Variants in TMEM117 observed in about 807,000 individuals in gnomAD.
The protein encoded by TMEM117 is transmembrane protein 117.
TMEM117 carries 27 observed loss-of-function variants against 52.4 expected under a neutral mutation model. The ratio of observed to expected loss-of-function variants is 0.51; its 90% confidence interval spans 0.38 to 0.71. The LOEUF (loss-of-function observed/expected upper bound fraction) is 0.71, where lower values mean the gene tolerates loss of function less well. Among genes scored for constraint, TMEM117 ranks in the 30% least tolerant of loss-of-function variants. The pLI, the probability that TMEM117 is intolerant of heterozygous loss-of-function variation, is 0.00. For missense variants in TMEM117, 556 were observed against 630.5 expected, an observed-to-expected ratio of 0.88 and a Z score of 1.26; for synonymous variants, 215 against 206.3, an observed-to-expected ratio of 1.04 and a Z score of -0.36.
intron 6 of TMEM117, among the ~76,000 whole-genome samples, chr12:44,312,252 C>G (rs1046730841): frequency 6.6e-6 from 1 of 151,708 alleles, no homozygotes; most frequent in African/African-American, 2.4e-5. Flanking sequence ...GTTTTTCAGC[C>G]CTTGTCCCTT....
At chr12:44,187,349 T>C (rs1255355569) in intron 4 of TMEM117, among the ~76,000 whole-genome samples, 1 of 152,120 alleles carries the variant, frequency 6.6e-6, no homozygotes, top group African/African-American at 2.4e-5. Context: ...AATATACTAT[T>C]TTATATTATT....
chr12:44,115,305 T>A (rs1355906243), intron 3 of TMEM117, among the ~76,000 whole-genome samples: 1 of 152,096 alleles, frequency 6.6e-6, no homozygotes, highest in Non-Finnish European at 1.5e-5. Flanking sequence ...CTGGGGCCTG[T>A]TGTCGGGTGG....
At chr12:44,186,167 G>A (rs758159816) in intron 4 of TMEM117, among the ~76,000 whole-genome samples, 1 of 152,186 alleles carries the variant, frequency 6.6e-6, no homozygotes, top group Non-Finnish European at 1.5e-5. Context: ...GCCATTGGGA[G>A]TCCTGATAAT....
chr12:44,280,153 G>T (rs936057913), intron 5 of TMEM117, among the ~76,000 whole-genome samples: 3 of 151,998 alleles, frequency 2.0e-5, no homozygotes, highest in African/African-American at 2.4e-5. Flanking sequence ...TCATTTGAAA[G>T]ATTCAAAATT....
At chr12:43,886,309 A>T (rs896537917) in intron 2 of TMEM117, among the ~76,000 whole-genome samples, 3 of 152,208 alleles carry the variant, frequency 2.0e-5, no homozygotes, top group Non-Finnish European at 4.4e-5. Flanking sequence ...GAAATATCTA[A>T]GAGAGTATGG....
intron 2 of TMEM117, among the ~76,000 whole-genome samples, chr12:43,911,711 G>C (rs1242156886): frequency 3.5e-5 from 5 of 143,210 alleles, no homozygotes; most frequent in Non-Finnish European, 3.1e-5. Flanking sequence ...CTTCTCAAAA[G>C]AAGACATTTA....
chr12:43,928,078 A>G (rs951048149), intron 2 of TMEM117, among the ~76,000 whole-genome samples: 4 of 151,718 alleles, frequency 2.6e-5, no homozygotes, highest in African/African-American at 9.7e-5. Flanking sequence ...TTAAATATCT[A>G]CTATTTTAGT....
intron 3 of TMEM117, among the ~76,000 whole-genome samples, chr12:43,956,931 A>G (rs1354892201): frequency 6.6e-6 from 1 of 152,242 alleles, no homozygotes. Context: ...AGAATGGATA[A>G]AGAAAATGTG....
At chr12:44,173,096 G>A (rs1268962824) in intron 4 of TMEM117, among the ~76,000 whole-genome samples, 1 of 151,862 alleles carries the variant, frequency 6.6e-6, no homozygotes, top group Non-Finnish European at 1.5e-5. Flanking sequence ...TTGTTTTTGG[G>A]ATGAGGTCTT....
chr12:44,202,534 G>C (rs529097058), intron 4 of TMEM117, among the ~76,000 whole-genome samples: 1 of 152,112 alleles, frequency 6.6e-6, no homozygotes, highest in East Asian at 1.9e-4. Flanking sequence ...TATTCTGCTG[G>C]ATTTGTTTGC....
intron 2 of TMEM117, among the ~76,000 whole-genome samples, chr12:43,920,737 AC>A (rs753120480): frequency 9.2e-5 from 14 of 152,156 alleles, no homozygotes; most frequent in Middle Eastern, 3.4e-3. Context: ...TTTTTACTGT[AC>A]TATTTCAGTA....
intron 6 of TMEM117, among the ~76,000 whole-genome samples, chr12:44,315,722 T>C (rs901407666): frequency 6.6e-6 from 1 of 152,182 alleles, no homozygotes; most frequent in Non-Finnish European, 1.5e-5. Context: ...ATTTGTATTA[T>C]TAATGTGGGT....
intron 4 of TMEM117, among the ~76,000 whole-genome samples, chr12:44,145,259 GGATGTTTA>G (rs1359543262): frequency 6.6e-6 from 1 of 152,032 alleles, no homozygotes; most frequent in Non-Finnish European, 1.5e-5. Context: ...AAATTTGAGG[GGATGTTTA>G]AAAAAATTTT....
At chr12:44,239,899 G>C (rs1022935582) in intron 5 of TMEM117, among the ~76,000 whole-genome samples, 2 of 151,752 alleles carry the variant, frequency 1.3e-5, no homozygotes, top group African/African-American at 4.8e-5. Context: ...AATTTCAGTT[G>C]TAAAGATCAT....
At position 43,904,660 on chromosome 12, in the gene TMEM117, C is replaced by T. The variant is rs367959709; in HGVS notation, c.278-39550C>T. 1.4e-4 allele frequency among the ~76,000 whole-genome samples: 21 copies of T among 152,208 alleles called. No individual in the cohort carries two copies. In the East Asian group the frequency reaches 2.9e-3, roughly 21 times the overall value. ...TGATCTGTTGATCATTTATCACTCCCGGGTTGGTGCCTGGCTTCCATTTCC... is the reference window on the plus strand; with the variant it reads ...TGATCTGTTGATCATTTATCACTCCTGGGTTGGTGCCTGGCTTCCATTTCC... On this transcript the variant is annotated intron_variant, in intron 2 of 7. Coordinates refer to ENST00000266534, the MANE Select transcript of TMEM117 (RefSeq NM_032256.3).
At chr12:44,384,134 A>G (rs1291227676) in intron 7 of TMEM117, among the ~76,000 whole-genome samples, 1 of 152,158 alleles carries the variant, frequency 6.6e-6, no homozygotes, top group African/African-American at 2.4e-5. Flanking sequence ...AGGAGAAAGC[A>G]TTACCAAGGT....
intron 3 of TMEM117, among the ~76,000 whole-genome samples, chr12:43,983,565 TG>T: frequency 6.8e-6 from 1 of 147,252 alleles, no homozygotes; most frequent in Non-Finnish European, 1.5e-5. Flanking sequence ...TGTGTGTGTG[TG>T]TGTGTGTGTG....
intron 4 of TMEM117, among the ~76,000 whole-genome samples, chr12:44,160,602 G>A (rs527734351): frequency 6.6e-6 from 1 of 152,124 alleles, no homozygotes. Context: ...CCAGGAGTTT[G>A]AAACCAGCCT....
intron 4 of TMEM117, among the ~76,000 whole-genome samples, chr12:44,183,666 GC>G (rs1380434063): frequency 2.6e-5 from 4 of 152,126 alleles, no homozygotes; most frequent in African/African-American, 9.7e-5. Context: ...AGGATCAAAG[GC>G]AAGCTGCATA....
Sources: gnomAD v4.1 joint callset for allele counts (sites outside exome capture counted in the v4.1 genomes callset) on GRCh38, gnomAD v4.1.1 for gene constraint, MANE v1.5 for transcripts, NCBI Gene and HGNC (gene_info 2026-07-23, HGNC 2026-07-21) for gene names.